SUMF1: variants seen among roughly 807,000 people sequenced by gnomAD.
The protein encoded by SUMF1 is sulfatase modifying factor 1.
Under a neutral mutation model 47.6 loss-of-function variants are expected in SUMF1, and 48 were observed. That is an observed-to-expected ratio of 1.01 (90% confidence interval 0.80 to 1.28). The LOEUF (loss-of-function observed/expected upper bound fraction) is 1.28. Ranked by LOEUF, SUMF1 falls within the 50% of genes most tolerant of loss-of-function variation. The pLI is 0.00. For missense variants in SUMF1, 571 were observed against 485.4 expected (o/e 1.18, Z -1.66); for synonymous variants, 230 against 192.1 (o/e 1.20, Z -1.63).
chr3:4,184,206 AAC>A (rs1177274946), intron 8 of SUMF1, among the ~76,000 whole-genome samples: 1 of 151,990 alleles, frequency 6.6e-6, no homozygotes, highest in Non-Finnish European at 1.5e-5. Context: ...CTGTATTCCC[AAC>A]ACTTTTGGAG....
intron 8 of SUMF1, among the ~76,000 whole-genome samples, chr3:4,120,649 A>G (rs887547974): frequency 2.0e-5 from 3 of 152,054 alleles, no homozygotes; most frequent in Non-Finnish European, 4.4e-5. Flanking sequence ...TCAGATAGAG[A>G]TTGTCTGGAG....
At chr3:4,179,883 G>A (rs550375218) in intron 8 of SUMF1, among the ~76,000 whole-genome samples, 1 of 152,208 alleles carries the variant, frequency 6.6e-6, no homozygotes, top group South Asian at 2.1e-4. Context: ...AGTGGGCAAA[G>A]GATATGAACA....
At chr3:4,260,763 G>A (rs2662138) in intron 8 of SUMF1, among the ~76,000 whole-genome samples, 38,071 of 151,704 alleles carry the variant, frequency 0.25, 6,172 homozygotes, top group African/African-American at 0.45. Flanking sequence ...TTTAATACTG[G>A]CAGAGACTTA....
intron 8 of SUMF1, among the ~76,000 whole-genome samples, chr3:4,261,543 G>A (rs1697085020): frequency 6.6e-6 from 1 of 152,196 alleles, no homozygotes; most frequent in Non-Finnish European, 1.5e-5. Context: ...GATTTATAAG[G>A]ATCTGTTATC....
At chr3:4,123,848 G>A (rs1693598053) in intron 8 of SUMF1, among the ~76,000 whole-genome samples, 1 of 152,144 alleles carries the variant, frequency 6.6e-6, no homozygotes, top group Non-Finnish European at 1.5e-5. Context: ...GGAGAGTAGG[G>A]CTCAGAGAGA....
intron 8 of SUMF1, among the ~76,000 whole-genome samples, chr3:4,081,361 C>A (rs528646526): frequency 6.9e-6 from 1 of 144,436 alleles, no homozygotes; most frequent in East Asian, 1.9e-4. Context: ...CTCAGATGGG[C>A]TTCCTGAGAG....
At chr3:4,370,703 G>C (rs1377142183) in intron 8 of SUMF1, among the ~76,000 whole-genome samples, 1 of 152,092 alleles carries the variant, frequency 6.6e-6, no homozygotes, top group Non-Finnish European at 1.5e-5. Flanking sequence ...ATTCTTGAAA[G>C]ACAAAAATTA....
At chr3:4,339,191 G>A (rs1699217506) in intron 8 of SUMF1, among the ~76,000 whole-genome samples, 2 of 152,016 alleles carry the variant, frequency 1.3e-5, no homozygotes, top group African/African-American at 4.8e-5. Flanking sequence ...TTCCTCTCTT[G>A]GGACACCTCC....
At chr3:4,154,423 T>C (rs1218451288) in intron 8 of SUMF1, among the ~76,000 whole-genome samples, 2 of 151,660 alleles carry the variant, frequency 1.3e-5, no homozygotes, top group African/African-American at 2.4e-5. Flanking sequence ...AATAATAAGA[T>C]AGTTAACACT....
At chr3:4,356,717 G>T (rs977243315), downstream of SUMF1, among the ~76,000 whole-genome samples, 2 of 152,088 alleles carry the variant, frequency 1.3e-5, no homozygotes, top group African/African-American at 2.4e-5. Context: ...AAAAATATTA[G>T]TTGGTTGCCA....
At chr3:4,177,741 T>A (rs921347982) in intron 8 of SUMF1, among the ~76,000 whole-genome samples, 1 of 151,968 alleles carries the variant, frequency 6.6e-6, no homozygotes, top group Non-Finnish European at 1.5e-5. Context: ...AAAAAATCAG[T>A]GAATCCAGGA....
intron 3 of SUMF1, among the ~76,000 whole-genome samples, chr3:4,441,091 T>C (rs1405793344): frequency 6.6e-6 from 1 of 152,088 alleles, no homozygotes; most frequent in Non-Finnish European, 1.5e-5. Context: ...CAGCAGGAGG[T>C]GAGTGGCAGG....
chr3:4,114,137 TTGAGCTCTC>T (rs1693371083), intron 8 of SUMF1, among the ~76,000 whole-genome samples: 3 of 152,080 alleles, frequency 2.0e-5, no homozygotes, highest in South Asian at 4.1e-4. Flanking sequence ...AAAATCAAGA[TTGAGCTCTC>T]TTTCCTGTTA....
chr3:4,076,881 G>A (rs1242607856), intron 8 of SUMF1, among the ~76,000 whole-genome samples: 1 of 152,026 alleles, frequency 6.6e-6, no homozygotes. Flanking sequence ...GCGGGCACCT[G>A]TAGTCCCAGC....
chr3:4,397,128 T>C (rs993651429), intron 7 of SUMF1, among the ~76,000 whole-genome samples: 2 of 152,220 alleles, frequency 1.3e-5, no homozygotes, highest in Admixed American at 1.3e-4. Context: ...CACACTAATA[T>C]GCAACACAAA....
chr3:4,273,771 C>G (rs1201629836), intron 8 of SUMF1, among the ~76,000 whole-genome samples: 7 of 11,190 alleles, frequency 6.3e-4, no homozygotes, highest in Admixed American at 2.6e-3. Context: ...GGGGAGGATA[C>G]GGGAGGGGAG....
chr3:4,346,728 A>T (rs1364473936), intron 8 of SUMF1, among the ~76,000 whole-genome samples: 2 of 152,218 alleles, frequency 1.3e-5, no homozygotes, highest in East Asian at 3.9e-4. Flanking sequence ...CTCAAAAAAA[A>T]TCACCAAATC....
At chr3:4,412,638 C>T (rs553918669) in intron 6 of SUMF1, among the ~76,000 whole-genome samples, 34 of 152,280 alleles carry the variant, frequency 2.2e-4, no homozygotes, top group Non-Finnish European at 4.1e-4. Context: ...AATCCTAGCA[C>T]TTTGGGAGGC....
At chr3:4,419,972 G>C in intron 4 of SUMF1, 92 bp downstream of exon 4, 1 of 971,360 alleles carries the variant, frequency 1.0e-6, no homozygotes, top group South Asian at 1.3e-5. Flanking sequence ...TCATTTTATA[G>C]ATGAAGATGC....
Sources: gnomAD v4.1 joint callset for allele counts (sites outside exome capture counted in the v4.1 genomes callset) on GRCh38, gnomAD v4.1.1 for gene constraint, MANE v1.5 for transcripts, NCBI Gene and HGNC (gene_info 2026-07-23, HGNC 2026-07-21) for gene names.